The following TFDP2 variants were observed in gnomAD, a reference collection of about 807,000 sequenced individuals.
TFDP2 encodes transcription factor Dp-2 (E2F dimerization partner 2).
TFDP2 carries 17 observed loss-of-function variants against 59.3 expected under a neutral mutation model. The observed-to-expected ratio is 0.29, with a 90% CI of 0.20 to 0.43. TFDP2 has a LOEUF of 0.43. TFDP2 is among the 20% of genes least tolerant of loss of function. TFDP2 has a pLI of 1.00. For synonymous variants in TFDP2, 180 were observed against 194.7 expected (o/e 0.92, Z 0.63); for missense variants, 391 against 528.8 (o/e 0.74, Z 2.56).
intron 6 of TFDP2, among the ~76,000 whole-genome samples, chr3:141,993,208 G>A (rs367933759): frequency 1.0e-4 from 10 of 98,914 alleles, no homozygotes; most frequent in East Asian, 4.8e-4. Context: ...TCAAAAAAAA[G>A]AAAAAAGAAA....
At chr3:141,978,036 A>C (rs996190365) in intron 7 of TFDP2, among the ~76,000 whole-genome samples, 16 of 151,048 alleles carry the variant, frequency 1.1e-4, no homozygotes, top group African/African-American at 2.4e-4. Context: ...TTAAAAAAAA[A>C]CAAAAAAAAA....
chr3:142,044,550 T>C (rs139804529), intron 3 of TFDP2, among the ~76,000 whole-genome samples: 8,165 of 152,012 alleles, frequency 0.054, 726 homozygotes, highest in African/African-American at 0.18. Flanking sequence ...TTGTATTTTT[T>C]AGTAGAGACA....
Position 141,950,689 on chromosome 3 carries a change from G to C in TFDP2, c.*1824C>G, listed in dbSNP as rs1234413913. On this transcript the variant is annotated 3_prime_UTR_variant, in exon 13 of 13. Coordinates refer to ENST00000489671, the MANE Select transcript of TFDP2 (RefSeq NM_001178139.2). The stretch of plus-strand genomic sequence containing the variant: ...ATGAGAAAGGGTGGAGTTAGTAAAA[G>C]AGGAGGCTGCCCCTTAAAGGACAGT... 1.3e-5 allele frequency: 2 copies of C among 152,674 alleles called. No individual in the cohort carries two copies. Among genetic ancestry groups the C allele is most frequent in the East Asian group, 1.9e-4 (1 of 5,194 alleles). 9.5% of individuals were successfully genotyped at this position (152,674 alleles called of 1,614,324 possible). A position where few individuals can be genotyped will look rare whatever the true frequency, so the allele number is the denominator to read the frequency against.
chr3:142,023,101 GCAGTGAGACTCCCTCCGT>G (rs1484600804), intron 3 of TFDP2, among the ~76,000 whole-genome samples: 1 of 120,092 alleles, frequency 8.3e-6, no homozygotes, highest in East Asian at 2.5e-4. Flanking sequence ...GCCTGGCAAC[GCAGTGAGACTCCCTCCGT>G]CTCAAAAAAA....
intron 2 of TFDP2, chr3:142,093,900 G>A: frequency 2.1e-6 from 1 of 472,596 alleles, no homozygotes; most frequent in Non-Finnish European, 4.2e-6. Flanking sequence ...GATAATTCAT[G>A]TAAAGCATAT....
intron 9 of TFDP2, among the ~76,000 whole-genome samples, chr3:141,968,313 CTAT>C (rs1245517377): frequency 1.8e-5 from 2 of 111,992 alleles, no homozygotes; most frequent in Non-Finnish European, 3.6e-5. Context: ...ATATATATAA[CTAT>C]ATATAACATA....
intron 3 of TFDP2, among the ~76,000 whole-genome samples, chr3:142,087,008 C>A (rs1046786209): frequency 2.0e-5 from 3 of 152,014 alleles, no homozygotes; most frequent in Admixed American, 6.6e-5. Context: ...GGTCAAAGAC[C>A]AAATATTACA....
chr3:142,101,678 GA>G, intron 2 of TFDP2, 56 bp downstream of exon 2: 3 of 1,158,772 alleles, frequency 2.6e-6, no homozygotes, highest in South Asian at 1.9e-5. Context: ...AAATATGTAG[GA>G]AAAAGCACAG....
chr3:142,131,490 G>A (rs1216154462), intron 1 of TFDP2, among the ~76,000 whole-genome samples: 1 of 149,958 alleles, frequency 6.7e-6, no homozygotes, highest in Non-Finnish European at 1.5e-5. Context: ...CAAAATGCGA[G>A]AGTACACCCT....
At chr3:142,028,877 G>A (rs989546869) in intron 3 of TFDP2, among the ~76,000 whole-genome samples, 1 of 152,042 alleles carries the variant, frequency 6.6e-6, no homozygotes, top group African/African-American at 2.4e-5. Flanking sequence ...AAATTAAAAG[G>A]ATATTTTTAT....
intron 1 of TFDP2, among the ~76,000 whole-genome samples, chr3:142,110,946 C>G (rs907924476): frequency 5.7e-5 from 3 of 52,706 alleles, no homozygotes; most frequent in Admixed American, 4.3e-4. Context: ...GAGTGAAACT[C>G]TGCCTTGGAA....
chr3:142,043,945 G>C, intron 3 of TFDP2: 1 of 786,668 alleles, frequency 1.3e-6, no homozygotes, highest in South Asian at 1.4e-5. Context: ...TCGCGCATTG[G>C]CTGTACCCTT....
intron 4 of TFDP2, 96 bp from the exon 5 acceptor site, chr3:141,995,237 A>T: frequency 9.4e-7 from 1 of 1,063,330 alleles, no homozygotes. Flanking sequence ...ATATGAGGAA[A>T]CCTTGCTGCC....
At chr3:142,066,432 T>C (rs1415460031) in intron 3 of TFDP2, among the ~76,000 whole-genome samples, 2 of 152,190 alleles carry the variant, frequency 1.3e-5, no homozygotes, top group African/African-American at 2.4e-5. Context: ...TACCTTAAGG[T>C]GCTCAGAATA....
intron 1 of TFDP2, among the ~76,000 whole-genome samples, chr3:142,148,084 T>A (rs931564252): frequency 8.1e-5 from 11 of 136,282 alleles, no homozygotes; most frequent in Admixed American, 1.5e-4. Context: ...TAGGTGAAGA[T>A]AAATTCAAGC....
At chr3:142,087,809 CATATTTCTTTACTG>C (rs1368825286) in intron 3 of TFDP2, among the ~76,000 whole-genome samples, 4 of 152,184 alleles carry the variant, frequency 2.6e-5, no homozygotes, top group Non-Finnish European at 5.9e-5. Flanking sequence ...GCCTATTTTG[CATATTTCTTTACTG>C]ATTCATTAAG....
At chr3:141,981,543 C>T (rs941947151) in intron 6 of TFDP2, among the ~76,000 whole-genome samples, 8 of 152,146 alleles carry the variant, frequency 5.3e-5, no homozygotes, top group African/African-American at 1.9e-4. Flanking sequence ...CCTACATTCC[C>T]AAAGAGTTGT....
At position 142,005,504 on chromosome 3, in the gene TFDP2, G is replaced by A. The variant is rs761662030; in HGVS notation, c.123C>T (p.Asn41=). 2.1e-5 allele frequency: 33 copies of A among 1,608,714 alleles called. No individual in the cohort carries two copies. Among genetic ancestry groups the A allele is most frequent in the African/African-American group, 4.0e-5 (3 of 74,866 alleles). Residue 41 remains asparagine (N), a synonymous_variant, in exon 4 of 13, where the codon AAC becomes AAT. Coordinates refer to ENST00000489671, the MANE Select transcript of TFDP2 (RefSeq NM_001178139.2). Reference sequence around the variant, plus strand: ...TTTTTGGTAAAATCTTTGTAGGTGAGTTGGTATTGGAAACTGGAAATGCAA... The same window carrying A: ...TTTTTGGTAAAATCTTTGTAGGTGAATTGGTATTGGAAACTGGAAATGCAA... The part of the protein sequence containing the change: ...SFVAFPVSNT[N]SPTKILPKTL...
chr3:142,004,793 T>C (rs1944085158), intron 4 of TFDP2, among the ~76,000 whole-genome samples: 1 of 152,174 alleles, frequency 6.6e-6, no homozygotes, highest in Admixed American at 6.5e-5. Flanking sequence ...GTAAAGGTTA[T>C]TTTATAAGAA....
Sources: gnomAD v4.1 joint callset for allele counts (sites outside exome capture counted in the v4.1 genomes callset) on GRCh38, gnomAD v4.1.1 for gene constraint, MANE v1.5 for transcripts, NCBI Gene and HGNC (gene_info 2026-07-23, HGNC 2026-07-21) for gene names.